TCERG1: variants seen among roughly 807,000 people sequenced by gnomAD.
TCERG1 encodes TATA box binding protein (TBP)-associated factor, RNA polymerase II, S, 150kD.
Under a neutral mutation model 144.7 loss-of-function variants are expected in TCERG1, and 37 were observed. The observed-to-expected ratio is 0.26, with a 90% CI of 0.20 to 0.34. The LOEUF is 0.34. Ranked by LOEUF, TCERG1 falls within the 10% of genes least tolerant of loss-of-function variation. The probability of loss-of-function intolerance (pLI) is 1.00; values close to 1 mark genes in which losing one functional copy is unlikely to be tolerated. For missense variants in TCERG1, 1,027 were observed against 1,380.7 expected (o/e 0.74, Z 4.06); for synonymous variants, 492 against 458.2 (o/e 1.07, Z -0.94).
intron 15 of TCERG1, among the ~76,000 whole-genome samples, chr5:146,489,239 T>C (rs1042855399): frequency 6.6e-6 from 1 of 152,296 alleles, no homozygotes; most frequent in Admixed American, 6.5e-5. Context: ...GAGATTGATA[T>C]GCTAATTACC....
chr5:146,469,894 A>T (rs1764130399), intron 7 of TCERG1, 150 bp downstream of exon 7: 1 of 543,784 alleles, frequency 1.8e-6, no homozygotes, highest in Non-Finnish European at 2.9e-6. Flanking sequence ...GAATTGATAA[A>T]TATTTATTTT....
At chr5:146,481,479 C>T (rs573187647) in intron 13 of TCERG1, 1 of 152,272 alleles carries the variant, frequency 6.6e-6, no homozygotes, top group Non-Finnish European at 1.5e-5. Context: ...TCCTGCAGGT[C>T]ACGGACTATG....
intron 1 of TCERG1, among the ~76,000 whole-genome samples, chr5:146,451,319 C>CT (rs56346846): frequency 0.26 from 35,781 of 138,792 alleles, 5,425 homozygotes; most frequent in East Asian, 0.77. Flanking sequence ...ATCCATATTC[C>CT]TTTTTTTTTT....
At position 146,483,416 on chromosome 5, in the gene TCERG1, G is replaced by A. The variant is rs1561676950; in HGVS notation, c.2074-124G>A. 4 of 769,874 alleles carry A rather than the reference G, an allele frequency of 5.2e-6. No homozygotes were observed. In the East Asian group the frequency reaches 8.4e-5, roughly 16 times the overall value. 47.7% of individuals were successfully genotyped at this position (769,874 alleles called of 1,614,324 possible). ...CCACTGCTTGTCATTTATTAGTGAT[G>A]GAAACTTCAGTATGGTTTTATGTCT... On this transcript the variant is annotated intron_variant, in intron 14 of 22. Transcript: ENST00000679501.
Position 146,482,724 on chromosome 5 carries a change from A to G in TCERG1, c.2070A>G (p.Arg690=). ...AGTTCAAGGACATGCTGCTAGAGAG[A>G]GGGGTCAGAAAACAATCTTTGGGGG... The part of the protein sequence containing the change: ...MKQFKDMLLE[R]GVSAFSTWEK... The change falls in exon 14 of 23, where the codon AGA becomes AGG. Residue 690 remains arginine (R), a synonymous_variant. Transcript: ENST00000679501. The G allele has an allele frequency of 6.2e-7, 1 of 1,604,554 alleles. No individual in the cohort carries two copies. Among genetic ancestry groups the G allele is most frequent in the Non-Finnish European group, 8.5e-7 (1 of 1,175,230 alleles).
chr5:146,506,368 C>T lies in TCERG1; in HGVS notation c.2782-660C>T, dbSNP rs553570925. Among the ~76,000 whole-genome samples, 175 of 152,224 alleles carry T rather than the reference C, an allele frequency of 1.1e-3. 1 individual carries two copies. The highest frequency in any genetic ancestry group is 3.9e-3 in the African/African-American group (163 of 41,534). ...GTTATGCCTTCTATTATACTGTCTT[C>T]TTCTTAAAAATTGTTTTGAGAAGTC... On this transcript the variant is annotated intron_variant, in intron 19 of 22. Coordinates refer to ENST00000679501, the MANE Select transcript of TCERG1 (RefSeq NM_001382548.1).
intron 5 of TCERG1, among the ~76,000 whole-genome samples, chr5:146,464,237 A>G (rs1309908439): frequency 6.6e-6 from 1 of 152,220 alleles, no homozygotes; most frequent in African/African-American, 2.4e-5. Context: ...AGATAGGTAC[A>G]CAGACAGGTT....
chr5:146,470,933 A>G (rs1764234556), intron 8 of TCERG1, among the ~76,000 whole-genome samples, 185 bp downstream of exon 8: 1 of 152,172 alleles, frequency 6.6e-6, no homozygotes, highest in Non-Finnish European at 1.5e-5. Flanking sequence ...TACTTCTTGT[A>G]CTAAACTGAG....
Position 146,463,926 on chromosome 5 carries a change from C to G in TCERG1, c.1135+133C>G. 4.0e-6 allele frequency: 5 copies of G among 1,239,488 alleles called. No homozygotes were observed. In the South Asian group the frequency reaches 7.3e-5, roughly 18 times the overall value. The allele number at this position is 1,239,488 out of a possible 1,614,324, so 76.8% of individuals were successfully genotyped here. On this transcript the variant is annotated intron_variant, in intron 5 of 22. Transcript: ENST00000679501. ...TGAAACGTTTTTGAAAGATTCATGG[C>G]TAACTGCAATATTTTCTCTTAAGTT... is the stretch of plus-strand genomic sequence containing the variant.
chr5:146,478,821 A>T (rs1469371947), intron 10 of TCERG1, among the ~76,000 whole-genome samples, 168 bp downstream of exon 10: 1 of 152,230 alleles, frequency 6.6e-6, no homozygotes, highest in Non-Finnish European at 1.5e-5. Context: ...GATTAAAAAT[A>T]TGGAGAGAAT....
At chr5:146,479,952 T>C (rs772028459) in intron 11 of TCERG1, 41 bp downstream of exon 11, 9 of 1,609,544 alleles carry the variant, frequency 5.6e-6, no homozygotes, top group South Asian at 1.1e-5. Context: ...TTTTTAATAC[T>C]ATTAAAGCAA....
chr5:146,463,923 T>C (rs1763554056), intron 5 of TCERG1, 130 bp downstream of exon 5: 1 of 1,257,628 alleles, frequency 8.0e-7, no homozygotes, highest in Non-Finnish European at 1.1e-6. Context: ...GAAAGATTCA[T>C]GGCTAACTGC....
chr5:146,469,647 A>G lies in TCERG1; in HGVS notation c.1302A>G (p.Glu434=). ...TAGCTGGAGCAACAGCAGTTTCTGA[A>G]TGGACTGAATATAAAACAGCAGATG... ...ATLAGATAVS[E]WTEYKTADGK... The change falls in exon 7 of 23, where the codon GAA becomes GAG. Residue 434 remains glutamate, a synonymous_variant. Transcript: ENST00000679501. 6.2e-7 allele frequency: 1 copy of G among 1,613,662 alleles called. No homozygotes were observed. The highest frequency in any genetic ancestry group is 8.5e-7 in the Non-Finnish European group (1 of 1,179,736).
chr5:146,489,457 A>T (rs1766184282), intron 15 of TCERG1, among the ~76,000 whole-genome samples: 1 of 152,186 alleles, frequency 6.6e-6, no homozygotes, highest in South Asian at 2.1e-4. Context: ...ACAGTATGGT[A>T]ATATGTTACC....
intron 10 of TCERG1, among the ~76,000 whole-genome samples, chr5:146,479,305 A>G (rs1371463650): frequency 6.6e-6 from 1 of 152,026 alleles, no homozygotes; most frequent in Admixed American, 6.5e-5. Context: ...GCTTCTAATG[A>G]AATAAATCCT....
chr5:146,507,821 C>A lies in TCERG1; in HGVS notation c.2962-52C>A. On this transcript the variant is annotated intron_variant, in intron 20 of 22. Coordinates refer to ENST00000679501, the MANE Select transcript of TCERG1 (RefSeq NM_001382548.1). The surrounding 1 kb of genome is among the most constrained non-coding windows in gnomAD (Gnocchi z 4.6). The stretch of plus-strand genomic sequence containing the variant: ...TGTACCTATGTGCTGCAGTTTGACT[C>A]CCTAAGTAAAAGTGAGTTGTATTTA... 2 of 1,315,204 alleles carry A rather than the reference C, an allele frequency of 1.5e-6. No homozygotes were observed. Among genetic ancestry groups the A allele is most frequent in the South Asian group, 1.3e-5 (1 of 76,428 alleles). The allele number at this position is 1,315,204 out of a possible 1,614,324, so 81.5% of individuals were successfully genotyped here. A position where few individuals can be genotyped will look rare whatever the true frequency, so the allele number is the denominator to read the frequency against.
chr5:146,463,063 C>G (rs1313332630), intron 4 of TCERG1, among the ~76,000 whole-genome samples: 1 of 152,180 alleles, frequency 6.6e-6, no homozygotes, highest in African/African-American at 2.4e-5. Context: ...CTAATTTCTG[C>G]TTCTGGCCTA....
intron 17 of TCERG1, among the ~76,000 whole-genome samples, chr5:146,499,081 A>G (rs1214269902): frequency 3.9e-5 from 6 of 152,198 alleles, no homozygotes; most frequent in African/African-American, 1.4e-4. Flanking sequence ...GTGACTTTCT[A>G]TTCTTTCAGT....
At chr5:146,475,124 C>G (rs1320025229) in intron 9 of TCERG1, among the ~76,000 whole-genome samples, 1 of 152,128 alleles carries the variant, frequency 6.6e-6, no homozygotes, top group Non-Finnish European at 1.5e-5. Context: ...GTCTTGTAAT[C>G]TATAGGTTCC....
Sources: allele counts gnomAD v4.1 joint callset (sites outside exome capture counted in the v4.1 genomes callset), GRCh38; gene constraint gnomAD v4.1.1; non-coding constraint Gnocchi (gnomAD v3.1); transcripts MANE v1.5; gene names NCBI Gene and HGNC (gene_info 2026-07-23, HGNC 2026-07-21).